The following SLC35F1 variants were observed in gnomAD, a reference collection of about 807,000 sequenced individuals.
SLC35F1 encodes the protein solute carrier family 35 member F1, also known as chromosome 6 open reading frame 169.
A neutral mutation model predicts 48.7 loss-of-function variants in SLC35F1; 14 were observed. The observed-to-expected ratio is 0.29, with a 90% CI of 0.19 to 0.45. The LOEUF is 0.45. Ranked by LOEUF, SLC35F1 falls within the 20% of genes least tolerant of loss-of-function variation. The pLI, the probability that SLC35F1 is intolerant of heterozygous loss-of-function variation, is 1.00. For missense variants in SLC35F1, 404 were observed against 500.0 expected, an observed-to-expected ratio of 0.81 and a Z score of 1.83; for synonymous variants, 190 against 202.2, an observed-to-expected ratio of 0.94 and a Z score of 0.51.
chr6:118,135,748 A>C (rs1440100650), intron 1 of SLC35F1, among the ~76,000 whole-genome samples: 1 of 152,230 alleles, frequency 6.6e-6, no homozygotes, highest in Non-Finnish European at 1.5e-5. Context: ...CACTCGCTAC[A>C]ATTAAATATA....
chr6:118,223,750 A>G (rs1403601233), intron 2 of SLC35F1, among the ~76,000 whole-genome samples: 1 of 152,174 alleles, frequency 6.6e-6, no homozygotes, highest in East Asian at 1.9e-4. Flanking sequence ...CTAATTTCCC[A>G]TGTTGGTTCT....
Position 118,009,384 on chromosome 6 carries a change from A to G in SLC35F1, c.173+101485A>G, listed in dbSNP as rs532976901. ...GATGCCTGAGGTCAGGACATAGGCA[A>G]TGTCACATTGCTCAGTAAATCCCAG... On this transcript the variant is annotated intron_variant, in intron 1 of 7. Transcript: ENST00000360388. 1.3e-4 allele frequency among the ~76,000 whole-genome samples: 20 copies of G among 152,308 alleles called. No individual in the cohort carries two copies. The East Asian group carries it at 3.9e-3, about 29-fold the overall frequency.
intron 1 of SLC35F1, among the ~76,000 whole-genome samples, chr6:117,922,135 G>A (rs1775907779): frequency 6.6e-6 from 1 of 152,152 alleles, no homozygotes. Flanking sequence ...CCACAGCCTG[G>A]TATATTCCAC....
Position 118,062,733 on chromosome 6 carries a change from A to G in SLC35F1, c.174-91712A>G, listed in dbSNP as rs548397953. On this transcript the variant is annotated intron_variant, in intron 1 of 7. Transcript: ENST00000360388. ...GAAAATATATGAAATATTGAAAAAA[A>G]CCCTTGTCTTATAAAAATCACATAA... is the stretch of plus-strand genomic sequence containing the variant. Among the ~76,000 whole-genome samples the G allele has an allele frequency of 2.6e-5, 4 of 152,284 alleles. No individual in the cohort carries two copies. The South Asian group carries it at 8.3e-4, about 32-fold the overall frequency.
chr6:118,149,990 C>A (rs1774031552), intron 1 of SLC35F1, among the ~76,000 whole-genome samples: 1 of 152,092 alleles, frequency 6.6e-6, no homozygotes, highest in Non-Finnish European at 1.5e-5. Flanking sequence ...TTTTTGCCAC[C>A]AAAATAGTAG....
At chr6:118,144,609 T>C (rs1773943737) in intron 1 of SLC35F1, among the ~76,000 whole-genome samples, 1 of 115,118 alleles carries the variant, frequency 8.7e-6, no homozygotes, top group Admixed American at 8.3e-5. Context: ...AAATTGAAAA[T>C]GTTAAAAAAA....
Position 118,060,457 on chromosome 6 carries a change from G to T in SLC35F1, c.174-93988G>T, listed in dbSNP as rs938407338. Among the ~76,000 whole-genome samples, 7 of 151,654 alleles carry T rather than the reference G, an allele frequency of 4.6e-5. No homozygotes were observed. In the East Asian group the frequency reaches 1.4e-3, roughly 29 times the overall value. ...TCAATAATATTATATTTTTTCAAAT[G>T]ATTTAAAATTATCCCTTTATCACTA... On this transcript the variant is annotated intron_variant, in intron 1 of 7. Coordinates refer to ENST00000360388, the MANE Select transcript of SLC35F1 (RefSeq NM_001029858.4).
chr6:118,151,822 A>T (rs1774062313), intron 1 of SLC35F1, among the ~76,000 whole-genome samples: 1 of 152,004 alleles, frequency 6.6e-6, no homozygotes, highest in Admixed American at 6.6e-5. Context: ...TGGCCTTTAA[A>T]ATCGTTTGAG....
chr6:118,300,958 A>G (rs761067206), intron 7 of SLC35F1, among the ~76,000 whole-genome samples: 3 of 152,200 alleles, frequency 2.0e-5, no homozygotes, highest in Non-Finnish European at 4.4e-5. Context: ...TTCCAGGTGC[A>G]GGAATGTAGC....
intron 3 of SLC35F1, among the ~76,000 whole-genome samples, chr6:118,265,385 T>C (rs1213953567): frequency 6.6e-6 from 1 of 152,228 alleles, no homozygotes; most frequent in Non-Finnish European, 1.5e-5. Context: ...AATAATCCTG[T>C]GCTAATTAAG....
chr6:118,212,059 G>C (rs1775006996), intron 2 of SLC35F1, among the ~76,000 whole-genome samples: 1 of 151,968 alleles, frequency 6.6e-6, no homozygotes. Flanking sequence ...TTTTTCCTTT[G>C]TATGCATTCT....
chr6:117,924,454 A>G (rs1187743378), intron 1 of SLC35F1, among the ~76,000 whole-genome samples: 3 of 151,368 alleles, frequency 2.0e-5, no homozygotes, highest in Non-Finnish European at 4.4e-5. Context: ...ACACATACCT[A>G]TATGTGTGTA....
chr6:118,204,938 A>G (rs1774915200), intron 2 of SLC35F1, among the ~76,000 whole-genome samples: 1 of 152,210 alleles, frequency 6.6e-6, no homozygotes, highest in Non-Finnish European at 1.5e-5. Context: ...AAGAGCAAGC[A>G]ATCCCATGAA....
At chr6:118,158,718 A>G (rs571848746) in intron 2 of SLC35F1, among the ~76,000 whole-genome samples, 2 of 152,350 alleles carry the variant, frequency 1.3e-5, no homozygotes, top group South Asian at 4.1e-4. Flanking sequence ...TGGAGTCACG[A>G]TCAAAGACTC....
rs922792523 is a variant in SLC35F1, at chr6:118,126,579, C to A, written c.174-27866C>A. ...CTATAAATTACCTTGGGCAATATGGCCATTTTCACGATATTGATTCTTCCT... is the reference window on the plus strand; with the variant it reads ...CTATAAATTACCTTGGGCAATATGGACATTTTCACGATATTGATTCTTCCT... On this transcript the variant is annotated intron_variant, in intron 1 of 7. Transcript: ENST00000360388. 8.7e-4 allele frequency among the ~76,000 whole-genome samples: 132 copies of A among 151,518 alleles called. 1 individual carries two copies. The highest frequency in any genetic ancestry group is 3.2e-3 in the African/African-American group (132 of 41,266).
intron 2 of SLC35F1, among the ~76,000 whole-genome samples, chr6:118,206,672 T>C (rs1373483750): frequency 6.6e-6 from 1 of 152,256 alleles, no homozygotes; most frequent in Non-Finnish European, 1.5e-5. Flanking sequence ...AGGAATCTTA[T>C]GATGGACCAT....
At chr6:117,912,235 CTTATAT>C (rs1295155263) in intron 1 of SLC35F1, among the ~76,000 whole-genome samples, 1 of 152,132 alleles carries the variant, frequency 6.6e-6, no homozygotes, top group Non-Finnish European at 1.5e-5. Flanking sequence ...TGATTTCCAA[CTTATAT>C]TTAGATTTAT....
At chr6:118,140,303 G>T (rs139529804) in intron 1 of SLC35F1, among the ~76,000 whole-genome samples, 23 of 152,304 alleles carry the variant, frequency 1.5e-4, no homozygotes, top group African/African-American at 5.3e-4. Flanking sequence ...GTCAATGATG[G>T]ACGGCACATA....
chr6:118,092,444 AC>A (rs1374837509), intron 1 of SLC35F1, among the ~76,000 whole-genome samples: 1 of 152,192 alleles, frequency 6.6e-6, no homozygotes, highest in Non-Finnish European at 1.5e-5. Context: ...CTCATGGAGA[AC>A]CTCTGCTAGG....
Sources: allele counts gnomAD v4.1 joint callset (sites outside exome capture counted in the v4.1 genomes callset), GRCh38; gene constraint gnomAD v4.1.1; transcripts MANE v1.5; gene names NCBI Gene and HGNC (gene_info 2026-07-23, HGNC 2026-07-21).